MARCHF1: variants seen among roughly 807,000 people sequenced by gnomAD.
MARCHF1 encodes membrane associated ring-CH-type finger 1.
MARCHF1 carries 40 observed loss-of-function variants against 54.2 expected under a neutral mutation model. That is an observed-to-expected ratio of 0.74 (90% confidence interval 0.57 to 0.96). The LOEUF is 0.96. Ranked by LOEUF, MARCHF1 falls within the 40% of genes least tolerant of loss-of-function variation. The pLI is 0.00. For missense variants in MARCHF1, 586 were observed against 656.5 expected (o/e 0.89, Z 1.17); for synonymous variants, 236 against 236.3 (o/e 1.00, Z 0.01).
chr4:164,309,008 T>C (rs563070383), intron 1 of MARCHF1, among the ~76,000 whole-genome samples: 19 of 151,012 alleles, frequency 1.3e-4, no homozygotes, highest in Non-Finnish European at 2.2e-4. Context: ...AGCTCAGGGT[T>C]ACATAAAATT....
intron 5 of MARCHF1, among the ~76,000 whole-genome samples, chr4:163,627,667 G>C (rs1741918451): frequency 6.8e-6 from 1 of 147,876 alleles, no homozygotes; most frequent in Non-Finnish European, 1.5e-5. Context: ...TCTTTAAAAA[G>C]AGTAGTCTAT....
intron 1 of MARCHF1, among the ~76,000 whole-genome samples, chr4:164,340,740 A>T (rs1183574964): frequency 1.3e-5 from 2 of 151,344 alleles, no homozygotes; most frequent in Admixed American, 6.6e-5. Context: ...CATATTTTTA[A>T]TAGAGACAGG....
At chr4:163,770,171 A>G (rs1277473642) in intron 4 of MARCHF1, among the ~76,000 whole-genome samples, 1 of 152,266 alleles carries the variant, frequency 6.6e-6, no homozygotes, top group East Asian at 1.9e-4. Context: ...TATGGTCAAC[A>G]ATAGGCTATT....
At chr4:164,137,938 A>T (rs1191655229) in intron 1 of MARCHF1, among the ~76,000 whole-genome samples, 3 of 152,206 alleles carry the variant, frequency 2.0e-5, no homozygotes, top group Non-Finnish European at 4.4e-5. Flanking sequence ...AGTAAGGGGC[A>T]TGAAACCACA....
chr4:163,619,159 C>T (rs548347138), intron 5 of MARCHF1, among the ~76,000 whole-genome samples: 9 of 152,214 alleles, frequency 5.9e-5, no homozygotes, highest in East Asian at 1.9e-4. Flanking sequence ...GTTACATTGA[C>T]GTGTTGGATT....
rs1268339833 is a variant in MARCHF1, at chr4:163,527,128, C to A, written c.*1620G>T. The stretch of plus-strand genomic sequence containing the variant: ...AATGACAGCTAACAAAAATAAGTCA[C>A]CTTTTTTAATGTAGGACATCTTTCT... On this transcript the variant is annotated 3_prime_UTR_variant, in exon 10 of 10. Coordinates refer to ENST00000514618, the MANE Select transcript of MARCHF1 (RefSeq NM_001394959.1). 6.6e-6 allele frequency: 1 copy of A among 151,960 alleles called. No individual in the cohort carries two copies. The highest frequency in any genetic ancestry group is 1.5e-5 in the Non-Finnish European group (1 of 67,924). The allele number at this position is 151,960 out of a possible 1,614,324, so 9.4% of individuals were successfully genotyped here.
intron 4 of MARCHF1, among the ~76,000 whole-genome samples, chr4:163,810,926 C>T (rs1166391645): frequency 6.6e-6 from 1 of 152,116 alleles, no homozygotes; most frequent in Non-Finnish European, 1.5e-5. Context: ...TCAGATACTT[C>T]CGTCAATGCC....
chr4:164,217,700 A>G (rs1731972356), intron 1 of MARCHF1, among the ~76,000 whole-genome samples: 3 of 152,340 alleles, frequency 2.0e-5, no homozygotes, highest in African/African-American at 7.2e-5. Context: ...CTGTTAAAAT[A>G]GAACTCAAGA....
At chr4:163,616,149 G>A (rs1300544470) in intron 5 of MARCHF1, among the ~76,000 whole-genome samples, 1 of 152,100 alleles carries the variant, frequency 6.6e-6, no homozygotes, top group African/African-American at 2.4e-5. Flanking sequence ...TCAGGACATT[G>A]ATCTTTTAGA....
At chr4:163,976,803 C>A (rs553495441) in intron 3 of MARCHF1, among the ~76,000 whole-genome samples, 1 of 152,236 alleles carries the variant, frequency 6.6e-6, no homozygotes, top group Admixed American at 6.5e-5. Context: ...CATCTCAAAT[C>A]ACGTGTCTGA....
At chr4:163,788,287 C>T (rs943726182) in intron 4 of MARCHF1, among the ~76,000 whole-genome samples, 1 of 151,908 alleles carries the variant, frequency 6.6e-6, no homozygotes, top group African/African-American at 2.4e-5. Context: ...ATAGAAGTTA[C>T]AAAGATAATA....
intron 4 of MARCHF1, among the ~76,000 whole-genome samples, chr4:163,771,303 A>C (rs1171775308): frequency 1.3e-5 from 2 of 152,206 alleles, no homozygotes; most frequent in African/African-American, 2.4e-5. Flanking sequence ...TCTTTGGTCC[A>C]AAATGTCAAT....
chr4:163,854,142 C>T lies in MARCHF1; in HGVS notation c.-11G>A, dbSNP rs1749708875. On this transcript the variant is annotated 5_prime_UTR_variant, in exon 4 of 10. Coordinates refer to ENST00000514618, the MANE Select transcript of MARCHF1 (RefSeq NM_001394959.1). ...ACACCAGCCCAGCATTTTCTCCTTC[C>T]TCTTATCCCTTTTCAATTTCTGAAA... 6.6e-7 allele frequency: 1 copy of T among 1,522,366 alleles called. No individual in the cohort carries two copies. Among genetic ancestry groups the T allele is most frequent in the Non-Finnish European group, 8.8e-7 (1 of 1,140,320 alleles). 94.3% of individuals were successfully genotyped at this position (1,522,366 alleles called of 1,614,324 possible). A position where few individuals can be genotyped will look rare whatever the true frequency, so the allele number is the denominator to read the frequency against.
chr4:163,720,475 T>C (rs1745412707), intron 4 of MARCHF1, among the ~76,000 whole-genome samples: 1 of 152,118 alleles, frequency 6.6e-6, no homozygotes, highest in South Asian at 2.1e-4. Flanking sequence ...GCCTCCGGCT[T>C]TGTTCTTTTG....
At chr4:164,291,104 T>G in intron 1 of MARCHF1, among the ~76,000 whole-genome samples, 1 of 152,088 alleles carries the variant, frequency 6.6e-6, no homozygotes, top group Middle Eastern at 3.4e-3. Flanking sequence ...AAGGTCAAAC[T>G]CTGTAGATGA....
intron 2 of MARCHF1, among the ~76,000 whole-genome samples, chr4:164,011,870 C>A (rs1383963873): frequency 7.2e-5 from 11 of 152,118 alleles, no homozygotes; most frequent in African/African-American, 2.4e-4. Flanking sequence ...TACCCTAACT[C>A]CAGGCAGCAC....
chr4:163,742,669 G>A (rs1045152537), intron 4 of MARCHF1, among the ~76,000 whole-genome samples: 4 of 151,706 alleles, frequency 2.6e-5, no homozygotes, highest in African/African-American at 7.3e-5. Flanking sequence ...GTAGAGACAG[G>A]GTCTCATTAT....
At chr4:163,733,218 T>C (rs867579998) in intron 4 of MARCHF1, among the ~76,000 whole-genome samples, 49 of 27,012 alleles carry the variant, frequency 1.8e-3, no homozygotes, top group Non-Finnish European at 4.2e-3. Flanking sequence ...TATATATATA[T>C]ATACACGTGT....
chr4:164,172,332 TTGA>T (rs1297999840), intron 1 of MARCHF1, among the ~76,000 whole-genome samples: 1 of 152,246 alleles, frequency 6.6e-6, no homozygotes, highest in African/African-American at 2.4e-5. Context: ...CAGGAATTTG[TTGA>T]TAAGCTTCAA....
Sources: allele counts gnomAD v4.1 joint callset (sites outside exome capture counted in the v4.1 genomes callset), GRCh38; gene constraint gnomAD v4.1.1; transcripts MANE v1.5; gene names NCBI Gene and HGNC (gene_info 2026-07-23, HGNC 2026-07-21).